The following SCRN1 variants were observed in gnomAD, a reference collection of about 807,000 sequenced individuals.
SCRN1 encodes secernin-1.
Under a neutral mutation model 43.3 loss-of-function variants are expected in SCRN1, and 19 were observed. The ratio of observed to expected loss-of-function variants is 0.44; its 90% CI spans 0.31 to 0.64. SCRN1 has a LOEUF of 0.64. Ranked by LOEUF, SCRN1 falls within the 30% of genes least tolerant of loss-of-function variation. The pLI is 0.09. For synonymous variants in SCRN1, 183 were observed against 188.9 expected (o/e 0.97, Z 0.26); for missense variants, 447 against 524.1 (o/e 0.85, Z 1.44).
At chr7:29,971,124 T>C (rs1046105645) in intron 1 of SCRN1, among the ~76,000 whole-genome samples, 8 of 152,178 alleles carry the variant, frequency 5.3e-5, no homozygotes, top group African/African-American at 1.9e-4. Context: ...AAGTGAGAAG[T>C]ACAGCAATCT....
intron 1 of SCRN1, 175 bp from the exon 2 acceptor site, chr7:29,969,243 A>ACGAC: frequency 1.6e-6 from 1 of 619,022 alleles, no homozygotes; most frequent in Non-Finnish European, 2.7e-6. Flanking sequence ...GTGGAATGAC[A>ACGAC]GAGCCACCGA....
intron 2 of SCRN1, among the ~76,000 whole-genome samples, chr7:29,957,134 G>A (rs1353046819): frequency 6.6e-6 from 1 of 152,152 alleles, no homozygotes; most frequent in Non-Finnish European, 1.5e-5. Context: ...ATTAGGAAAT[G>A]GTTTATTTGT....
At chr7:29,925,931 A>G (rs1220550060) in intron 7 of SCRN1, among the ~76,000 whole-genome samples, 1 of 152,010 alleles carries the variant, frequency 6.6e-6, no homozygotes, top group Non-Finnish European at 1.5e-5. Flanking sequence ...AAACATATGT[A>G]TTATAACATA....
chr7:29,930,140 G>A (rs1191112996), intron 6 of SCRN1, among the ~76,000 whole-genome samples: 1 of 152,106 alleles, frequency 6.6e-6, no homozygotes, highest in Non-Finnish European at 1.5e-5. Flanking sequence ...TATTGAGGTG[G>A]TTAAAAGCTT....
In SCRN1 at chr7:29,965,464, G is replaced by A. The variant is rs1032069713; in HGVS notation, c.159+3445C>T. The stretch of plus-strand genomic sequence containing the variant: ...GGGGCAGCGGGACTCAGTGACAGCT[G>A]TCCCTGTGCATTGGGGATGGGGGAA... On this transcript the variant is annotated intron_variant, in intron 2 of 7. Transcript: ENST00000242059. This position sits in a 1 kb window ranked among gnomAD's most constrained non-coding sequence, Gnocchi z 4.2. Among the ~76,000 whole-genome samples the A allele has an allele frequency of 3.9e-5, 6 of 152,172 alleles. No homozygotes were observed. The highest frequency in any genetic ancestry group is 1.4e-4 in the African/African-American group (6 of 41,432).
At position 29,955,336 on chromosome 7, in the gene SCRN1, C is replaced by G. The variant is rs139915877; in HGVS notation, c.184G>C (p.Val62Leu). ...ATCATTATGGCATAGGTCCTTGGAA[C>G]TTGGTCGATTGAAATGTAAGTGCAC... ...VECTYISIDQVPRTYAIMISR... is the reference protein window; with the variant it reads ...VECTYISIDQLPRTYAIMISR... The change falls in exon 3 of 8, where the codon GTT (valine) becomes CTT (leucine). Residue 62 changes from valine (V) to leucine (L), a missense_variant. By Grantham distance (32) the Val-to-Leu change is conservative. Transcript: ENST00000242059. The G allele has an allele frequency of 6.2e-7, 1 of 1,613,604 alleles. No individual in the cohort carries two copies. Among genetic ancestry groups the G allele is most frequent in the Admixed American group, 1.7e-5 (1 of 59,882 alleles).
chr7:29,967,434 G>A (rs1788534119), intron 2 of SCRN1, among the ~76,000 whole-genome samples: 1 of 134,500 alleles, frequency 7.4e-6, no homozygotes, highest in African/African-American at 2.8e-5. Context: ...TCACCATGTT[G>A]TCCAGGCTGG....
At chr7:29,987,463 CA>C (rs1385218405) in intron 1 of SCRN1, among the ~76,000 whole-genome samples, 1 of 152,224 alleles carries the variant, frequency 6.6e-6, no homozygotes, top group Non-Finnish European at 1.5e-5. Context: ...TGGTTCTCCA[CA>C]AACACAAGCA....
At chr7:29,988,046 T>TAA (rs539420067) in intron 1 of SCRN1, among the ~76,000 whole-genome samples, 2 of 148,390 alleles carry the variant, frequency 1.3e-5, no homozygotes. Context: ...AAAGGCTGTT[T>TAA]AAAAAAAAAA....
At chr7:29,944,225 A>G (rs1279461329) in intron 3 of SCRN1, 46 bp from the exon 4 acceptor site, 5 of 1,578,608 alleles carry the variant, frequency 3.2e-6, no homozygotes, top group Non-Finnish European at 4.4e-6. Flanking sequence ...TTCATACCAC[A>G]GGATTGTTAC....
Position 29,979,950 on chromosome 7 carries a change from G to A in SCRN1, c.-2+9692C>T, listed in dbSNP as rs149722065. Among the ~76,000 whole-genome samples the A allele has an allele frequency of 4.6e-3, 695 of 152,234 alleles. 3 individuals are homozygous for A. The highest frequency in any genetic ancestry group is 0.015 in the African/African-American group (629 of 41,544). On this transcript the variant is annotated intron_variant, in intron 1 of 7. Transcript: ENST00000242059. ...AGAAATATAAAGAAAGGAAGAAAAC[G>A]ATTTACATAAGATTATCCCTACAGG...
At chr7:29,936,178 C>G (rs991171812) in intron 6 of SCRN1, among the ~76,000 whole-genome samples, 3 of 152,210 alleles carry the variant, frequency 2.0e-5, no homozygotes, top group South Asian at 4.1e-4. Flanking sequence ...TCCCACATCT[C>G]TCTGTCTCGC....
chr7:29,934,025 A>G (rs1787244223), intron 6 of SCRN1, among the ~76,000 whole-genome samples: 1 of 152,368 alleles, frequency 6.6e-6, no homozygotes, highest in Admixed American at 6.5e-5. Flanking sequence ...GACAAAAGAC[A>G]GTAAGTCGAG....
At position 29,984,074 on chromosome 7, in the gene SCRN1, C is replaced by T. The variant is rs541886566; in HGVS notation, c.-2+5568G>A. 2.7e-3 allele frequency among the ~76,000 whole-genome samples: 408 copies of T among 152,052 alleles called. 6 individuals are homozygous for T. The highest frequency in any genetic ancestry group is 9.4e-3 in the African/African-American group (391 of 41,478). The stretch of plus-strand genomic sequence containing the variant: ...TACAAAAATCAGTCGGGCGTGGTGG[C>T]GCTCACCTGTGAGCCAAGCTACTCA... On this transcript the variant is annotated intron_variant, in intron 1 of 7. Transcript: ENST00000242059.
intron 1 of SCRN1, among the ~76,000 whole-genome samples, chr7:29,971,582 C>T (rs1031320090): frequency 5.4e-5 from 8 of 148,936 alleles, no homozygotes; most frequent in Middle Eastern, 3.2e-3. Context: ...TGCAGTGAGC[C>T]GAGATCACGC....
intron 1 of SCRN1, among the ~76,000 whole-genome samples, chr7:29,979,972 C>T (rs2127930823): frequency 6.6e-6 from 1 of 152,312 alleles, no homozygotes; most frequent in East Asian, 1.9e-4. Context: ...ATTATCCCTA[C>T]AGGCTAGACC....
chr7:29,975,895 G>C (rs1272088961), intron 1 of SCRN1, among the ~76,000 whole-genome samples: 1 of 152,140 alleles, frequency 6.6e-6, no homozygotes, highest in Non-Finnish European at 1.5e-5. Context: ...TCTGTAGTTT[G>C]TACTATACAT....
At chr7:29,972,528 G>A (rs1788696722) in intron 1 of SCRN1, among the ~76,000 whole-genome samples, 3 of 152,234 alleles carry the variant, frequency 2.0e-5, no homozygotes. Flanking sequence ...AAGCCCAGGG[G>A]TATGTGGGCC....
chr7:29,941,345 T>C (rs1186399765), intron 4 of SCRN1, among the ~76,000 whole-genome samples: 1 of 152,206 alleles, frequency 6.6e-6, no homozygotes, highest in African/African-American at 2.4e-5. Context: ...TCTGATTTCT[T>C]TTCACCTGGA....
Sources: allele counts gnomAD v4.1 joint callset (sites outside exome capture counted in the v4.1 genomes callset), GRCh38; gene constraint gnomAD v4.1.1; non-coding constraint Gnocchi (gnomAD v3.1); transcripts MANE v1.5; gene names NCBI Gene and HGNC (gene_info 2026-07-23, HGNC 2026-07-21).